The following CNGA4 variants were observed in gnomAD, a reference collection of about 807,000 sequenced individuals.
CNGA4 encodes cyclic nucleotide-gated channel alpha-4.
Under a neutral mutation model 45.6 loss-of-function variants are expected in CNGA4, and 32 were observed. The ratio of observed to expected loss-of-function variants is 0.70; its 90% CI spans 0.53 to 0.94. CNGA4 has a LOEUF of 0.94. Ranked by LOEUF, CNGA4 falls within the 40% of genes least tolerant of loss-of-function variation. The probability of loss-of-function intolerance (pLI) is 0.00; values close to 1 mark genes in which losing one functional copy is unlikely to be tolerated. For missense variants in CNGA4, 726 were observed against 755.1 expected, an observed-to-expected ratio of 0.96 and a Z score of 0.45; for synonymous variants, 293 against 304.6, an observed-to-expected ratio of 0.96 and a Z score of 0.40.
intron 5 of CNGA4, among the ~76,000 whole-genome samples, chr11:6,242,618 G>A (rs2133879878): frequency 6.6e-6 from 1 of 152,208 alleles, no homozygotes; most frequent in East Asian, 1.9e-4. Flanking sequence ...TCCTGTATGT[G>A]GTAGGATGCT....
At chr11:6,239,066 A>T, upstream of CNGA4, 1 of 1,528,932 alleles carries the variant, frequency 6.5e-7, no homozygotes, top group Non-Finnish European at 8.8e-7. Flanking sequence ...TGTTGCTAAG[A>T]GCCCCAAAGA....
intron 3 of CNGA4, 121 bp from the exon 4 acceptor site, chr11:6,239,945 C>A: frequency 1.4e-6 from 2 of 1,408,032 alleles, no homozygotes; most frequent in Non-Finnish European, 1.9e-6. Flanking sequence ...AAGCCGGGAG[C>A]AGAGTTATGC....
At chr11:6,241,287 A>G in intron 4 of CNGA4, 144 bp from the exon 5 acceptor site, 1 of 667,148 alleles carries the variant, frequency 1.5e-6, no homozygotes, top group East Asian at 2.6e-5. Context: ...AAAACAGGTA[A>G]TCCAACTGTC....
chr11:6,242,955 C>A (rs974913347), intron 5 of CNGA4, among the ~76,000 whole-genome samples: 6 of 152,228 alleles, frequency 3.9e-5, no homozygotes, highest in Admixed American at 2.6e-4. Context: ...CTACTGCCCT[C>A]AGCATAAGGC....
Position 6,240,427 on chromosome 11 carries a change from T to A in CNGA4, c.633T>A (p.Phe211Leu). 1 of 1,614,240 alleles carries A rather than the reference T, an allele frequency of 6.2e-7. No individual in the cohort carries two copies. Among genetic ancestry groups the A allele is most frequent in the Non-Finnish European group, 8.5e-7 (1 of 1,180,038 alleles). ...WVYPDPAQPG[F>L]ERLRRQYLYS... ...ACCCGGACCCCGCGCAGCCTGGCTTTGAGCGCCTGCGGCGCCAGTACCTCT... is the reference window on the plus strand; with the variant it reads ...ACCCGGACCCCGCGCAGCCTGGCTTAGAGCGCCTGCGGCGCCAGTACCTCT... The change falls in exon 4 of 6, where the codon TTT becomes TTA. Residue 211 changes from phenylalanine to leucine, a missense_variant. Transcript: ENST00000379936. This position sits in a 1 kb window ranked among gnomAD's most constrained non-coding sequence, Gnocchi z 4.9.
upstream of CNGA4, among the ~76,000 whole-genome samples, chr11:6,238,750 T>G (rs903230024): frequency 6.6e-6 from 1 of 152,204 alleles, no homozygotes; most frequent in Admixed American, 6.5e-5. Flanking sequence ...TCAGTAATAG[T>G]TGTTAAATAA....
chr11:6,240,662 A>G lies in CNGA4; in HGVS notation c.868A>G (p.Met290Val). 3.7e-6 allele frequency: 6 copies of G among 1,614,128 alleles called. No individual in the cohort carries two copies. The highest frequency in any genetic ancestry group is 1.1e-5 in the South Asian group (1 of 91,080). ...YPDHALVKKY[M>V]KLQHVNRKLE... The stretch of plus-strand genomic sequence containing the variant: ...AGATCATGCACTGGTGAAGAAGTAC[A>G]TGAAGCTGCAGCACGTCAACCGCAA... Residue 290 changes from methionine to valine, a missense_variant, in exon 4 of 6, where the codon ATG becomes GTG. Physicochemically the swap from Met to Val is conservative, Grantham distance 21. Coordinates refer to ENST00000379936, the MANE Select transcript of CNGA4 (RefSeq NM_001037329.4). This position sits in a 1 kb window ranked among gnomAD's most constrained non-coding sequence, Gnocchi z 4.9.
chr11:6,235,800 G>T (rs1847826254), upstream of CNGA4, among the ~76,000 whole-genome samples: 2 of 152,006 alleles, frequency 1.3e-5, no homozygotes, highest in Admixed American at 6.6e-5. Context: ...TTAACTGGGC[G>T]TAGTGGCGCG....
At position 6,243,973 on chromosome 11, in the gene CNGA4, C is replaced by T. The variant is rs779770459; in HGVS notation, c.1292C>T (p.Thr431Ile). Residue 431 changes from threonine (T) to isoleucine (I), a missense_variant, in exon 6 of 6, where the codon ACA becomes ATA. By Grantham distance (89) the Thr-to-Ile change is moderately conservative. Transcript: ENST00000379936. ...IKGNMSGNRR[T>I]ANIKSLGYSD... ...GGGAACATGTCTGGGAACCGCCGCACAGCCAACATCAAGAGCCTAGGTTAT... is the reference window on the plus strand; with the variant it reads ...GGGAACATGTCTGGGAACCGCCGCATAGCCAACATCAAGAGCCTAGGTTAT... 1.2e-6 allele frequency: 2 copies of T among 1,613,840 alleles called. No homozygotes were observed. The highest frequency in any genetic ancestry group is 2.7e-5 in the African/African-American group (2 of 75,042).
upstream of CNGA4, among the ~76,000 whole-genome samples, chr11:6,236,216 A>G (rs550907486): frequency 6.6e-5 from 10 of 152,364 alleles, no homozygotes; most frequent in Middle Eastern, 3.4e-3. Flanking sequence ...AAGAACTGCA[A>G]TCAGTACAGT....
chr11:6,236,229 G>T (rs1183346202), upstream of CNGA4, among the ~76,000 whole-genome samples: 1 of 152,220 alleles, frequency 6.6e-6, no homozygotes, highest in Non-Finnish European at 1.5e-5. Context: ...AGTACAGTGT[G>T]TCGGGAGCCT....
chr11:6,239,882 G>A (rs1016441301), intron 3 of CNGA4, 92 bp downstream of exon 3: 1 of 1,405,274 alleles, frequency 7.1e-7, no homozygotes, highest in Middle Eastern at 1.9e-4. Flanking sequence ...CCCCACCGTG[G>A]TAGCACCTTC....
At chr11:6,242,249 C>T (rs1360792135) in intron 5 of CNGA4, among the ~76,000 whole-genome samples, 2 of 151,970 alleles carry the variant, frequency 1.3e-5, no homozygotes, top group Non-Finnish European at 2.9e-5. Flanking sequence ...ATTTGCCCAA[C>T]GTCGCACAGG....
At position 6,239,495 on chromosome 11, in the gene CNGA4, C is replaced by T. The variant is rs761869980; in HGVS notation, c.164+10C>T. 2.5e-5 allele frequency: 40 copies of T among 1,613,060 alleles called. No homozygotes were observed. Among genetic ancestry groups the T allele is most frequent in the Admixed American group, 1.0e-4 (6 of 59,994 alleles). On this transcript the variant is annotated intron_variant, in intron 2 of 5. Coordinates refer to ENST00000379936, the MANE Select transcript of CNGA4 (RefSeq NM_001037329.4). ...TCATCCTCGTGTGCAGGTATGGCAGCGGTGCTAAGGGAGGGGCTGGAAGCC... is the reference window on the plus strand; with the variant it reads ...TCATCCTCGTGTGCAGGTATGGCAGTGGTGCTAAGGGAGGGGCTGGAAGCC...
rs950702937 is a variant in CNGA4 at position 6,241,441 on chromosome 11, C to T, written c.928C>T (p.Leu310=). Residue 310 remains leucine (L), a synonymous_variant, in exon 5 of 6, where the codon CTG becomes TTG. Transcript: ENST00000379936. ...TGTCCTTACTCTCAGGTATCAGCAC[C>T]TGCAGATCAACAAGAAGATGACCAA... ...ERRVIDWYQH[L]QINKKMTNEV... is the part of the protein sequence containing the mutation. The T allele has an allele frequency of 7.0e-6, 11 of 1,580,884 alleles. No homozygotes were observed. In the African/African-American group the frequency reaches 1.5e-4, roughly 21 times the overall value.
chr11:6,239,249 C>T lies in CNGA4; in HGVS notation c.43C>T (p.Pro15Ser), dbSNP rs374451892. Residue 15 changes from proline (P) to serine (S), a missense_variant, in exon 1 of 6, where the codon CCA becomes TCA. Coordinates refer to ENST00000379936, the MANE Select transcript of CNGA4 (RefSeq NM_001037329.4). ...TKVKTTESSP[P>S]APSKARKLLP... is the part of the protein sequence containing the mutation. Reference sequence around the variant, plus strand: ...AGTGAAGACAACAGAGTCCAGTCCCCCAGCCCCATCCAAGGCCAGGTGAGA... The same window carrying T: ...AGTGAAGACAACAGAGTCCAGTCCCTCAGCCCCATCCAAGGCCAGGTGAGA... The T allele has an allele frequency of 1.6e-4, 257 of 1,614,038 alleles. No individual in the cohort carries two copies. The highest frequency in any genetic ancestry group is 2.2e-4 in the Non-Finnish European group (254 of 1,180,030).
chr11:6,239,642 G>A (rs756798204), intron 2 of CNGA4, 42 bp from the exon 3 acceptor site: 2 of 1,596,756 alleles, frequency 1.3e-6, no homozygotes, highest in Non-Finnish European at 1.7e-6. Context: ...CTCGCACACA[G>A]AGGGTGCCCT....
rs775132527 is a variant in CNGA4 at position 6,240,387 on chromosome 11, G to A, written c.593G>A (p.Arg198His). 16 of 1,614,112 alleles carry A rather than the reference G, an allele frequency of 9.9e-6. No individual in the cohort carries two copies. The highest frequency in any genetic ancestry group is 7.7e-5 in the South Asian group (7 of 91,092). Residue 198 changes from arginine (R) to histidine (H), a missense_variant, in exon 4 of 6, where the codon CGT becomes CAT. By Grantham distance (29) the Arg-to-His change is conservative. Coordinates refer to ENST00000379936, the MANE Select transcript of CNGA4 (RefSeq NM_001037329.4). This position sits in a 1 kb window ranked among gnomAD's most constrained non-coding sequence, Gnocchi z 4.9. ...FALSRYLGFG[R>H]DAWVYPDPAQ... ...CTATCCCGGTACCTGGGCTTCGGGC[G>A]TGACGCATGGGTGTACCCGGACCCC...
chr11:6,236,838 C>A (rs904839140), upstream of CNGA4, among the ~76,000 whole-genome samples: 13 of 152,158 alleles, frequency 8.5e-5, no homozygotes, highest in African/African-American at 3.1e-4. Context: ...TTATTATGTG[C>A]ACAAATTCTG....
Sources: allele counts gnomAD v4.1 joint callset (sites outside exome capture counted in the v4.1 genomes callset), GRCh38; gene constraint gnomAD v4.1.1; non-coding constraint Gnocchi (gnomAD v3.1); transcripts MANE v1.5; gene names NCBI Gene and HGNC (gene_info 2026-07-23, HGNC 2026-07-21).